The following TRPC5 variants were observed in gnomAD, a reference collection of about 807,000 sequenced individuals.
The protein encoded by TRPC5 is short transient receptor potential channel 5.
In TRPC5, 9 loss-of-function variants were observed where a neutral mutation model predicts 56.5. The observed-to-expected ratio is 0.16, with a 90% CI of 0.10 to 0.28. The LOEUF is 0.28. TRPC5 is among the 10% of genes least tolerant of loss of function. TRPC5 has a pLI of 1.00. For missense variants in TRPC5, 469 were observed against 748.9 expected (o/e 0.63, Z 4.36); for synonymous variants, 282 against 278.5 (o/e 1.01, Z -0.13).
chrX:111,926,768 T>C (rs1444372700), intron 2 of TRPC5, among the ~76,000 whole-genome samples: 1 of 112,204 alleles, frequency 8.9e-6, no homozygotes, highest in Non-Finnish European at 1.9e-5. Flanking sequence ...GTTACACAGC[T>C]ATTAAATGGA....
chrX:112,035,824 G>T (rs926819111), intron 1 of TRPC5, among the ~76,000 whole-genome samples: 6 of 108,294 alleles, frequency 5.5e-5, no homozygotes, highest in African/African-American at 2.0e-4. Flanking sequence ...GGAGAGACGG[G>T]GTTTCACCGT....
Position 112,040,350 on chromosome X carries a change from T to A in TRPC5, c.-22+41529A>T, listed in dbSNP as rs192341189. Among the ~76,000 whole-genome samples, 332 of 112,356 alleles carry A rather than the reference T, an allele frequency of 3.0e-3. 1 individual carries two copies. The highest frequency in any genetic ancestry group is 0.01 in the African/African-American group (310 of 30,946). On this transcript the variant is annotated intron_variant, in intron 1 of 10. Coordinates refer to ENST00000262839, the MANE Select transcript of TRPC5 (RefSeq NM_012471.3). ...AAATCAGTTCCAGCTAATTCAGAAC[T>A]TCCTTATTAGCTAGACTCTTGATGA...
At chrX:111,881,587 T>C (rs1266843699) in intron 3 of TRPC5, among the ~76,000 whole-genome samples, 1 of 111,667 alleles carries the variant, frequency 9.0e-6, no homozygotes, top group Non-Finnish European at 1.9e-5. Flanking sequence ...GGTGGAGTGT[T>C]ACATACATGA....
intron 7 of TRPC5, among the ~76,000 whole-genome samples, chrX:111,826,087 G>A (rs956841297): frequency 5.3e-5 from 6 of 112,173 alleles, no homozygotes; most frequent in Admixed American, 9.4e-5. Context: ...GGCAGAAAGA[G>A]GTCAAGTTGC....
intron 7 of TRPC5, among the ~76,000 whole-genome samples, chrX:111,817,571 G>T (rs1007074821): frequency 3.6e-5 from 4 of 110,032 alleles, no homozygotes; most frequent in Non-Finnish European, 7.6e-5. Flanking sequence ...TGATCTGCCC[G>T]CCTCGGCCTC....
At chrX:112,037,671 T>C (rs1409257965) in intron 1 of TRPC5, among the ~76,000 whole-genome samples, 1 of 111,748 alleles carries the variant, frequency 8.9e-6, no homozygotes, top group Non-Finnish European at 1.9e-5. Flanking sequence ...CTACAATCTC[T>C]GAACTGTACC....
intron 1 of TRPC5, among the ~76,000 whole-genome samples, chrX:111,992,746 G>A (rs1320674341): frequency 9.2e-6 from 1 of 109,198 alleles, no homozygotes; most frequent in Non-Finnish European, 1.9e-5. Flanking sequence ...GGGATTACAG[G>A]CACCTGCCAC....
chrX:111,972,224 C>T lies in TRPC5; in HGVS notation c.-21-19783G>A, dbSNP rs764704564. ...CCTTGGGCCCTTTACCAAGTTGGAC[C>T]GTGCTTACAATCCTTTTTAGTGACA... On this transcript the variant is annotated intron_variant, in intron 1 of 10. Transcript: ENST00000262839. Among the ~76,000 whole-genome samples, 15 of 111,620 alleles carry T rather than the reference C, an allele frequency of 1.3e-4. No individual in the cohort carries two copies. In the South Asian group the frequency reaches 4.1e-3, roughly 31 times the overall value.
At chrX:111,977,263 G>A (rs997312089) in intron 1 of TRPC5, among the ~76,000 whole-genome samples, 2 of 111,227 alleles carry the variant, frequency 1.8e-5, no homozygotes, top group Admixed American at 9.6e-5. Flanking sequence ...AAAACATTAC[G>A]GTACCAGCAT....
At chrX:111,851,385 A>C (rs1180196661) in intron 5 of TRPC5, among the ~76,000 whole-genome samples, 3 of 111,507 alleles carry the variant, frequency 2.7e-5, no homozygotes, top group African/African-American at 9.8e-5. Flanking sequence ...GAGGACAGCA[A>C]TCCCATTATT....
intron 3 of TRPC5, among the ~76,000 whole-genome samples, chrX:111,862,275 T>C (rs1457409997): frequency 1.8e-5 from 2 of 112,156 alleles, no homozygotes; most frequent in African/African-American, 6.5e-5. Context: ...CACCAAGGCC[T>C]GATTCTTTCT....
intron 2 of TRPC5, among the ~76,000 whole-genome samples, chrX:111,919,613 CTA>C (rs1233088721): frequency 8.9e-6 from 1 of 111,979 alleles, no homozygotes; most frequent in African/African-American, 3.2e-5. Context: ...ATTCCCTTGC[CTA>C]TACAATGGGA....
At chrX:112,019,467 G>T (rs768213693) in intron 1 of TRPC5, among the ~76,000 whole-genome samples, 89 of 106,767 alleles carry the variant, frequency 8.3e-4, no homozygotes, top group African/African-American at 2.9e-3. Flanking sequence ...ATGGAATCTC[G>T]CTCTGTCGCC....
At chrX:111,942,632 G>A (rs1451081024) in intron 2 of TRPC5, among the ~76,000 whole-genome samples, 1 of 112,048 alleles carries the variant, frequency 8.9e-6, no homozygotes, top group African/African-American at 3.2e-5. Context: ...AGTTAGCACA[G>A]ATACATGAGA....
Position 111,905,519 on chromosome X carries a change from A to T in TRPC5, c.900+6772T>A, listed in dbSNP as rs190328067. Among the ~76,000 whole-genome samples, 396 of 112,359 alleles carry T rather than the reference A, an allele frequency of 3.5e-3. 2 individuals carry two copies. The highest frequency in any genetic ancestry group is 0.013 in the African/African-American group (388 of 30,942). Reference sequence around the variant, plus strand: ...GGGTAATAAATAATCCTTGGAGGTGACTGCCATTATACTTATGAAGGTTGG... The same window carrying T: ...GGGTAATAAATAATCCTTGGAGGTGTCTGCCATTATACTTATGAAGGTTGG... On this transcript the variant is annotated intron_variant, in intron 3 of 10. Transcript: ENST00000262839.
At chrX:111,970,430 T>C (rs1434094130) in intron 1 of TRPC5, among the ~76,000 whole-genome samples, 1 of 111,597 alleles carries the variant, frequency 9.0e-6, no homozygotes, top group Non-Finnish European at 1.9e-5. Context: ...TGCGATTATC[T>C]TATAAATTTC....
chrX:111,867,503 C>T (rs1022602370), intron 3 of TRPC5, among the ~76,000 whole-genome samples: 3 of 111,598 alleles, frequency 2.7e-5, no homozygotes, highest in African/African-American at 9.8e-5. Flanking sequence ...TCTCCTTGAG[C>T]TCATACCACT....
chrX:112,048,268 G>A (rs749173847), intron 1 of TRPC5, among the ~76,000 whole-genome samples: 39 of 110,835 alleles, frequency 3.5e-4, no homozygotes, highest in African/African-American at 1.1e-3. Flanking sequence ...GGGCGTCGTG[G>A]CGTGTGCCTG....
At chrX:112,017,711 TTTTTCTGCAAATGTTCTGC>T (rs1293828203) in intron 1 of TRPC5, among the ~76,000 whole-genome samples, 1 of 111,607 alleles carries the variant, frequency 9.0e-6, no homozygotes, top group Non-Finnish European at 1.9e-5. Flanking sequence ...AATACTTGTG[TTTTTCTGCAAATGTTCTGC>T]TTTCTTTCCT....
Sources: allele counts gnomAD v4.1 joint callset (sites outside exome capture counted in the v4.1 genomes callset), GRCh38; gene constraint gnomAD v4.1.1; transcripts MANE v1.5; gene names NCBI Gene and HGNC (gene_info 2026-07-23, HGNC 2026-07-21).